BICRAL: variants seen among roughly 807,000 people sequenced by gnomAD.
The protein encoded by BICRAL is BICRA like chromatin remodeling complex associated protein.
A neutral mutation model predicts 91.8 loss-of-function variants in BICRAL; 8 were observed. The observed-to-expected ratio is 0.09, with a 90% CI of 0.05 to 0.16. BICRAL has a LOEUF of 0.16. Ranked by LOEUF, BICRAL falls within the 10% of genes least tolerant of loss-of-function variation. The probability of loss-of-function intolerance (pLI) is 1.00; values close to 1 mark genes in which losing one functional copy is unlikely to be tolerated. For missense variants in BICRAL, 1,038 were observed against 1,310.9 expected (o/e 0.79, Z 3.21); for synonymous variants, 445 against 491.1 (o/e 0.91, Z 1.24).
intron 1 of BICRAL, among the ~76,000 whole-genome samples, chr6:42,793,969 CATTTTTATTTTTAT>C (rs1179194295): frequency 2.1e-5 from 3 of 145,868 alleles, no homozygotes; most frequent in African/African-American, 7.7e-5. Context: ...GACAAGATGA[CATTTTTATTTTTAT>C]TTTTATTTTT....
chr6:42,797,714 C>G (rs1763453911), intron 1 of BICRAL, among the ~76,000 whole-genome samples: 1 of 152,128 alleles, frequency 6.6e-6, no homozygotes, highest in Non-Finnish European at 1.5e-5. Flanking sequence ...TGACTCATAC[C>G]TGTAATCCCA....
rs942666075 is a variant in BICRAL, at chr6:42,835,917, G to A, written c.1839+5745G>A. ...TGCGCTATAGCCTGGGTGACAGAGC[G>A]AGACCCTGTCTCAGAAAACAAAGAA... On this transcript the variant is annotated intron_variant, in intron 6 of 12. Transcript: ENST00000314073. Among the ~76,000 whole-genome samples, 6 of 152,168 alleles carry A rather than the reference G, an allele frequency of 3.9e-5. No individual in the cohort carries two copies. The East Asian group carries it at 9.6e-4, about 24-fold the overall frequency.
chr6:42,857,606 A>ATATATATATAT (rs1562497905), intron 10 of BICRAL, among the ~76,000 whole-genome samples: 17 of 99,442 alleles, frequency 1.7e-4, no homozygotes, highest in African/African-American at 1.2e-3. Flanking sequence ...CTCTTAAAAA[A>ATATATATATAT]AAAAAAAAAT....
intron 8 of BICRAL, among the ~76,000 whole-genome samples, chr6:42,854,386 G>A (rs1765283012): frequency 6.6e-6 from 1 of 152,088 alleles, no homozygotes; most frequent in African/African-American, 2.4e-5. Context: ...ATTTTGCCAT[G>A]TTGCTCACAC....
At chr6:42,780,388 T>C (rs907719525), upstream of BICRAL, among the ~76,000 whole-genome samples, 1 of 152,136 alleles carries the variant, frequency 6.6e-6, no homozygotes, top group African/African-American at 2.4e-5. Flanking sequence ...ATAATTTTAA[T>C]CTAGAGAGAG....
intron 1 of BICRAL, among the ~76,000 whole-genome samples, chr6:42,806,105 T>C (rs1278423420): frequency 6.6e-6 from 1 of 152,104 alleles, no homozygotes; most frequent in Non-Finnish European, 1.5e-5. Flanking sequence ...CCAAATAAGA[T>C]TTTGCCCACA....
chr6:42,773,893 G>T (rs186183833), intron 1 of BICRAL, among the ~76,000 whole-genome samples: 11 of 152,308 alleles, frequency 7.2e-5, no homozygotes, highest in Non-Finnish European at 2.9e-5. Flanking sequence ...AATTTTGAAG[G>T]GTAGCAAATG....
chr6:42,835,543 C>T, intron 6 of BICRAL, among the ~76,000 whole-genome samples: 1 of 150,690 alleles, frequency 6.6e-6, no homozygotes, highest in East Asian at 2.0e-4. Flanking sequence ...ATGTTTTAAA[C>T]CATTGTAAAA....
At chr6:42,851,189 AAAAT>A (rs201522552) in intron 6 of BICRAL, among the ~76,000 whole-genome samples, 1,570 of 152,242 alleles carry the variant, frequency 0.01, 23 homozygotes, top group African/African-American at 0.036. Context: ...CGTCTCAAAA[AAAAT>A]AAATAAATAA....
intron 7 of BICRAL, among the ~76,000 whole-genome samples, chr6:42,853,208 T>C (rs1217894628): frequency 6.6e-6 from 1 of 151,972 alleles, no homozygotes; most frequent in Non-Finnish European, 1.5e-5. Context: ...TTCTAAGGCT[T>C]TGAACATCTG....
chr6:42,829,412 C>G lies in BICRAL; in HGVS notation c.1079C>G (p.Ser360Cys). ...PQGSVVGPHM[S>C]VNIVNQQNTR... Reference sequence around the variant, plus strand: ...GGCTCAGTAGTTGGTCCACACATGTCTGTGAACATTGTAAACCAACAGAAC... The same window carrying G: ...GGCTCAGTAGTTGGTCCACACATGTGTGTGAACATTGTAAACCAACAGAAC... The change falls in exon 6 of 13, where the codon TCT becomes TGT. Residue 360 changes from serine to cysteine, a missense_variant. Physicochemically the swap from Ser to Cys is moderately radical, Grantham distance 112. Transcript: ENST00000314073. 6.2e-7 allele frequency: 1 copy of G among 1,614,208 alleles called. No homozygotes were observed.
At chr6:42,823,046 C>A (rs1054970180) in intron 5 of BICRAL, 43 bp downstream of exon 5, 1 of 1,145,326 alleles carries the variant, frequency 8.7e-7, no homozygotes. Flanking sequence ...TGGTTTCTGT[C>A]TGATTGATGC....
intron 1 of BICRAL, among the ~76,000 whole-genome samples, chr6:42,791,841 A>G (rs1763282467): frequency 6.6e-6 from 1 of 152,138 alleles, no homozygotes; most frequent in Non-Finnish European, 1.5e-5. Context: ...TCGTTAGGTG[A>G]TTTCATTGTG....
At chr6:42,793,675 C>G (rs1177967178) in intron 1 of BICRAL, among the ~76,000 whole-genome samples, 1 of 151,880 alleles carries the variant, frequency 6.6e-6, no homozygotes, top group East Asian at 1.9e-4. Flanking sequence ...GAAAGTCAAC[C>G]CCTTTTCTCT....
intron 1 of BICRAL, among the ~76,000 whole-genome samples, chr6:42,784,807 CCA>C (rs2113865907): frequency 6.6e-6 from 1 of 152,218 alleles, no homozygotes; most frequent in African/African-American, 2.4e-5. Context: ...TTTGCTAGGG[CCA>C]ACTGGGTCTT....
At chr6:42,746,589 C>T (rs1582793202), upstream of BICRAL, among the ~76,000 whole-genome samples, 1 of 152,172 alleles carries the variant, frequency 6.6e-6, no homozygotes, top group East Asian at 1.9e-4. Flanking sequence ...CTGGCCCGCG[C>T]CGGAGGAAGC....
At chr6:42,862,948 C>T (rs1246910508) in intron 12 of BICRAL, among the ~76,000 whole-genome samples, 1 of 152,038 alleles carries the variant, frequency 6.6e-6, no homozygotes, top group Non-Finnish European at 1.5e-5. Flanking sequence ...CTCTATTTCA[C>T]TTCGATTATT....
chr6:42,749,331 TG>T (rs1762339397), intron 1 of BICRAL, among the ~76,000 whole-genome samples: 1 of 152,136 alleles, frequency 6.6e-6, no homozygotes, highest in African/African-American at 2.4e-5. Context: ...ATGTGGGAAC[TG>T]AAAAAGTTGA....
chr6:42,812,145 A>C (rs534945206), intron 2 of BICRAL, among the ~76,000 whole-genome samples: 1 of 152,228 alleles, frequency 6.6e-6, no homozygotes, highest in African/African-American at 2.4e-5. Context: ...TGCAGAAATT[A>C]TACAAATGAT....
Sources: allele counts gnomAD v4.1 joint callset (sites outside exome capture counted in the v4.1 genomes callset), GRCh38; gene constraint gnomAD v4.1.1; transcripts MANE v1.5; gene names NCBI Gene and HGNC (gene_info 2026-07-23, HGNC 2026-07-21).